PACRGL: variants seen among roughly 807,000 people sequenced by gnomAD.
PACRGL encodes the protein PACRG-like protein.
A neutral mutation model predicts 34.5 loss-of-function variants in PACRGL; 38 were observed. The observed-to-expected ratio is 1.10, with a 90% CI of 0.85 to 1.44. PACRGL has a LOEUF of 1.44. Ranked by LOEUF, PACRGL falls within the 40% of genes most tolerant of loss-of-function variation. The pLI is 0.00. For missense variants in PACRGL, 305 were observed against 281.4 expected (o/e 1.08, Z -0.60); for synonymous variants, 128 against 100.1 (o/e 1.28, Z -1.66).
rs555522003 is a variant in PACRGL, at chr4:20,741,216, C to T, written c.*57-11349C>T. On this transcript the variant is annotated intron_variant, in intron 8 of 8. Coordinates refer to the PACRGL transcript ENST00000507634. ...GACTTGAACTCAGCTCTGCAGCAAG[C>T]GGACCTAATAGACATCTACAGAACT... Among the ~76,000 whole-genome samples the T allele has an allele frequency of 6.7e-4, 102 of 152,198 alleles. 1 individual carries two copies. The highest frequency in any genetic ancestry group is 1.9e-3 in the African/African-American group (77 of 41,528).
intron 7 of PACRGL, among the ~76,000 whole-genome samples, chr4:20,721,914 C>A (rs1439183991): frequency 6.6e-6 from 1 of 152,208 alleles, no homozygotes; most frequent in Non-Finnish European, 1.5e-5. Context: ...CTATGCCCTG[C>A]CCCCAGAGGT....
chr4:20,738,914 T>C (rs1750360837), intron 8 of PACRGL, among the ~76,000 whole-genome samples: 1 of 152,100 alleles, frequency 6.6e-6, no homozygotes, highest in South Asian at 2.1e-4. Context: ...CCAACAGTCT[T>C]AGCAAACGGC....
intron 8 of PACRGL, among the ~76,000 whole-genome samples, chr4:20,743,975 A>C (rs1751804784): frequency 1.3e-5 from 2 of 152,316 alleles, no homozygotes; most frequent in South Asian, 4.1e-4. Flanking sequence ...CTCTTCTCAA[A>C]AGAAGACATT....
At chr4:20,724,932 G>C (rs933632375) in intron 8 of PACRGL, 44 bp downstream of exon 8, 53 of 1,132,450 alleles carry the variant, frequency 4.7e-5, no homozygotes, top group Non-Finnish European at 5.8e-5. Flanking sequence ...TTAACTTTTA[G>C]GTGTATTACT....
intron 7 of PACRGL, among the ~76,000 whole-genome samples, chr4:20,721,223 C>T (rs1419099470): frequency 3.3e-5 from 5 of 152,132 alleles, no homozygotes; most frequent in African/African-American, 1.2e-4. Flanking sequence ...GTTAGCCATT[C>T]ATCTAATCTT....
chr4:20,743,452 C>T (rs943648357), intron 8 of PACRGL, among the ~76,000 whole-genome samples: 21 of 152,176 alleles, frequency 1.4e-4, no homozygotes, highest in African/African-American at 4.8e-4. Context: ...ACAGAGCCCT[C>T]GGAAATAATA....
chr4:20,702,997 C>G lies in PACRGL; in HGVS notation c.-16-1469C>G, dbSNP rs1732875900. 1.3e-5 allele frequency among the ~76,000 whole-genome samples: 2 copies of G among 152,152 alleles called. 1 individual carries two copies. Among genetic ancestry groups the G allele is most frequent in the South Asian group, 4.1e-4 (2 of 4,826 alleles). ...TCTTTACATGGTATCAGACTTTAAG[C>G]TGGTACATCATGTTTGAGATATCTG... is the stretch of plus-strand genomic sequence containing the variant. On this transcript the variant is annotated intron_variant, in intron 1 of 8. Transcript: ENST00000503585.
chr4:20,744,636 G>A (rs1752005196), intron 8 of PACRGL, among the ~76,000 whole-genome samples: 1 of 151,944 alleles, frequency 6.6e-6, no homozygotes, highest in Non-Finnish European at 1.5e-5. Flanking sequence ...GGGGATGGGG[G>A]AGGGATAGCA....
chr4:20,731,739 C>G lies in PACRGL; in HGVS notation c.*4398C>G. Reference sequence around the variant, plus strand: ...ATGTTTTATCCTCCATGAATACTCTCTAAGGAATTTGGGAATCAACACAGT... The same window carrying G: ...ATGTTTTATCCTCCATGAATACTCTGTAAGGAATTTGGGAATCAACACAGT... On this transcript the variant is annotated 3_prime_UTR_variant, in exon 9 of 9. Coordinates refer to ENST00000503585, the MANE Select transcript of PACRGL (RefSeq NM_001258345.3). 1 of 985,342 alleles carries G rather than the reference C, an allele frequency of 1.0e-6. No individual in the cohort carries two copies. Among genetic ancestry groups the G allele is most frequent in the Non-Finnish European group, 1.2e-6 (1 of 829,910 alleles). The allele number at this position is 985,342 out of a possible 1,614,324, so 61.0% of individuals were successfully genotyped here.
At chr4:20,745,640 C>T (rs1204550856) in intron 8 of PACRGL, among the ~76,000 whole-genome samples, 2 of 152,052 alleles carry the variant, frequency 1.3e-5, no homozygotes, top group Non-Finnish European at 2.9e-5. Flanking sequence ...AGGTCTGTAC[C>T]GAATTCTGGT....
At chr4:20,754,867 T>A (rs3816874), downstream of PACRGL, among the ~76,000 whole-genome samples, 1 of 152,024 alleles carries the variant, frequency 6.6e-6, no homozygotes, top group Non-Finnish European at 1.5e-5. Context: ...TTGAAATGAT[T>A]GAAAAATAAC....
chr4:20,733,428 AT>A (rs1419483267), downstream of PACRGL, among the ~76,000 whole-genome samples: 1 of 152,206 alleles, frequency 6.6e-6, no homozygotes, highest in Non-Finnish European at 1.5e-5. Context: ...TAACTTAAAC[AT>A]TTAGATTTAT....
downstream of PACRGL, among the ~76,000 whole-genome samples, chr4:20,733,521 A>G (rs150589862): frequency 2.0e-3 from 308 of 151,620 alleles, 2 homozygotes; most frequent in Non-Finnish European, 3.4e-3. Flanking sequence ...AGAGTATTCA[A>G]TTATAAATGA....
chr4:20,741,241 T>C (rs893707436), intron 8 of PACRGL, among the ~76,000 whole-genome samples: 27 of 152,064 alleles, frequency 1.8e-4, no homozygotes, highest in African/African-American at 5.6e-4. Flanking sequence ...TCTACAGAAC[T>C]CTCCACCCCA....
Position 20,731,873 on chromosome 4 carries a change from C to T in PACRGL, c.*4532C>T, listed in dbSNP as rs1255200977. The T allele has an allele frequency of 8.3e-6, 12 of 1,444,484 alleles. No homozygotes were observed. Among genetic ancestry groups the T allele is most frequent in the Non-Finnish European group, 1.1e-5 (12 of 1,098,026 alleles). 89.5% of individuals were successfully genotyped at this position (1,444,484 alleles called of 1,614,324 possible). On this transcript the variant is annotated 3_prime_UTR_variant, in exon 9 of 9. Transcript: ENST00000503585. ...TTGTTTTCAGAGTGGTAGGCTTATG[C>T]TGCATGTTGTAGAAGTGGTAAACTT...
At chr4:20,754,634 A>G (rs1453292044), downstream of PACRGL, among the ~76,000 whole-genome samples, 1 of 152,228 alleles carries the variant, frequency 6.6e-6, no homozygotes, top group Non-Finnish European at 1.5e-5. Flanking sequence ...ATGTGGTCAG[A>G]TTTCTGCATT....
chr4:20,707,254 A>G (rs1036993760), intron 3 of PACRGL, among the ~76,000 whole-genome samples: 1 of 152,212 alleles, frequency 6.6e-6, no homozygotes, highest in Non-Finnish European at 1.5e-5. Flanking sequence ...AAATCAAGCT[A>G]TTCATATATA....
chr4:20,737,124 T>C (rs1578438450), downstream of PACRGL, among the ~76,000 whole-genome samples: 1 of 152,018 alleles, frequency 6.6e-6, no homozygotes. Flanking sequence ...CCCATTGGCA[T>C]GAAGGGTAGA....
At position 20,707,988 on chromosome 4, in the gene PACRGL, T is replaced by C. The variant is rs1048500504; in HGVS notation, c.275+118T>C. 8.2e-5 allele frequency: 64 copies of C among 785,198 alleles called. 1 individual carries two copies. The highest frequency in any genetic ancestry group is 6.9e-4 in the South Asian group (39 of 56,514). The allele number at this position is 785,198 out of a possible 1,614,324, so 48.6% of individuals were successfully genotyped here. A position where few individuals can be genotyped will look rare whatever the true frequency, so the allele number is the denominator to read the frequency against. On this transcript the variant is annotated intron_variant, in intron 4 of 8. Coordinates refer to ENST00000503585, the MANE Select transcript of PACRGL (RefSeq NM_001258345.3). Reference sequence around the variant, plus strand: ...TTTACTAGTGAGGTTGAAATAAAGATGACTTTATTCACACTTTCTTTTGGA... The same window carrying C: ...TTTACTAGTGAGGTTGAAATAAAGACGACTTTATTCACACTTTCTTTTGGA...
Sources: gnomAD v4.1 joint callset for allele counts (sites outside exome capture counted in the v4.1 genomes callset) on GRCh38, gnomAD v4.1.1 for gene constraint, MANE v1.5 for transcripts, NCBI Gene and HGNC (gene_info 2026-07-23, HGNC 2026-07-21) for gene names.